EIF3J: variants seen among roughly 807,000 people sequenced by gnomAD.
The protein encoded by EIF3J is eukaryotic translation initiation factor 3, subunit 1 (alpha, 35kD).
EIF3J carries 15 observed loss-of-function variants against 39.0 expected under a neutral mutation model. The observed-to-expected ratio is 0.38, with a 90% CI of 0.26 to 0.59. EIF3J has a LOEUF of 0.59. Ranked by LOEUF, EIF3J falls within the 20% of genes least tolerant of loss-of-function variation. EIF3J has a pLI of 0.60. For missense variants in EIF3J, 226 were observed against 308.6 expected (o/e 0.73, Z 2.00); for synonymous variants, 98 against 112.9 (o/e 0.87, Z 0.84).
rs1246628081 is a variant in EIF3J, at chr15:44,561,220, C to T, written c.*71C>T. 2.0e-6 allele frequency: 3 copies of T among 1,515,206 alleles called. No individual in the cohort carries two copies. The highest frequency in any genetic ancestry group is 2.7e-6 in the Non-Finnish European group (3 of 1,124,806). The allele number at this position is 1,515,206 out of a possible 1,614,324, so 93.9% of individuals were successfully genotyped here. ...TTGAACATGTAGCACAACTTCCTTT[C>T]CTTTCAGTTCTGCCAAATGCTACAA... On this transcript the variant is annotated 3_prime_UTR_variant, in exon 8 of 8. Coordinates refer to ENST00000261868, the MANE Select transcript of EIF3J (RefSeq NM_003758.4).
chr15:44,560,426 AAC>A (rs2082182210), intron 7 of EIF3J, 104 bp downstream of exon 7: 1 of 1,069,010 alleles, frequency 9.4e-7, no homozygotes, highest in East Asian at 2.4e-5. Flanking sequence ...AAAGTCAAGC[AAC>A]TCACTAATAC....
chr15:44,547,331 C>T (rs978656424), intron 2 of EIF3J, among the ~76,000 whole-genome samples: 4 of 148,944 alleles, frequency 2.7e-5, no homozygotes, highest in Non-Finnish European at 4.4e-5. Context: ...TTAGTAGAGA[C>T]GGGGTTTCTC....
rs571132011 is a variant in EIF3J at position 44,542,383 on chromosome 15, T to G, written c.147+4956T>G. Among the ~76,000 whole-genome samples the G allele has an allele frequency of 7.7e-4, 117 of 152,192 alleles. 2 individuals are homozygous for G. In the South Asian group the frequency reaches 0.012, roughly 15 times the overall value. On this transcript the variant is annotated intron_variant, in intron 2 of 7. Coordinates refer to ENST00000261868, the MANE Select transcript of EIF3J (RefSeq NM_003758.4). ...TTATGTTTTACCTAAACCAAATTAT[T>G]TAAAGAAAAAAGGAGAAGGAGTATA...
chr15:44,537,417 A>C lies in EIF3J; in HGVS notation c.137A>C (p.Glu46Ala). The C allele has an allele frequency of 1.3e-6, 2 of 1,556,052 alleles. No individual in the cohort carries two copies. Among genetic ancestry groups the C allele is most frequent in the Non-Finnish European group, 1.7e-6 (2 of 1,150,076 alleles). The change falls in exon 2 of 8, where the codon GAG becomes GCG. Residue 46 changes from glutamate (E) to alanine (A), a missense_variant. By Grantham distance (107) the Glu-to-Ala change is moderately radical. Coordinates refer to ENST00000261868, the MANE Select transcript of EIF3J (RefSeq NM_003758.4). ...CGCTGGGAAGGCGAGGACGAGGACG[A>C]GGACGTCAAGGTGGGTGCGGGCTAG... ...GDRWEGEDEDEDVKDNWDDDD... is the reference protein window; with the variant it reads ...GDRWEGEDEDADVKDNWDDDD...
chr15:44,540,919 A>G (rs1008238746), intron 2 of EIF3J, among the ~76,000 whole-genome samples: 4 of 152,184 alleles, frequency 2.6e-5, no homozygotes, highest in African/African-American at 4.8e-5. Flanking sequence ...TGTTTTTGTT[A>G]TTATAATTTG....
chr15:44,548,167 A>G (rs2082069573), intron 2 of EIF3J, among the ~76,000 whole-genome samples: 1 of 152,210 alleles, frequency 6.6e-6, no homozygotes, highest in Non-Finnish European at 1.5e-5. Context: ...CACGCCTGCA[A>G]TCCCAGCACT....
chr15:44,554,640 G>T lies in EIF3J; in HGVS notation c.382G>T (p.Asp128Tyr). 1 of 1,612,088 alleles carries T rather than the reference G, an allele frequency of 6.2e-7. No homozygotes were observed. The change falls in exon 5 of 8, where the codon GAC (aspartate) becomes TAC (tyrosine). Residue 128 changes from aspartate to tyrosine, a missense_variant. Coordinates refer to ENST00000261868, the MANE Select transcript of EIF3J (RefSeq NM_003758.4). ...LRLKKLQEES[D>Y]LELAKETFGV... ...GCTAAAGAAATTACAGGAAGAGTCA[G>T]ACCTCGAATTAGCAAAGGAAACTTT...
At chr15:44,537,686 C>G (rs2081971511) in intron 2 of EIF3J, among the ~76,000 whole-genome samples, 1 of 152,242 alleles carries the variant, frequency 6.6e-6, no homozygotes, top group African/African-American at 2.4e-5. Context: ...CGAAAGGTGA[C>G]AGCATCGGCC....
chr15:44,558,930 G>A (rs146786840), intron 6 of EIF3J: 2 of 152,230 alleles, frequency 1.3e-5, no homozygotes, highest in African/African-American at 4.8e-5. Flanking sequence ...ACACTTTCTG[G>A]TAGCTAAAAA....
chr15:44,541,976 A>G (rs965827147), intron 2 of EIF3J, among the ~76,000 whole-genome samples: 2 of 152,214 alleles, frequency 1.3e-5, no homozygotes, highest in South Asian at 2.1e-4. Context: ...GTCATGATGG[A>G]TCATTGTAAA....
At position 44,561,326 on chromosome 15, in the gene EIF3J, C is replaced by T; in HGVS notation, c.*177C>T. The T allele has an allele frequency of 1.6e-6, 1 of 627,426 alleles. No individual in the cohort carries two copies. Among genetic ancestry groups the T allele is most frequent in the African/African-American group, 1.8e-5 (1 of 54,228 alleles). The allele number at this position is 627,426 out of a possible 1,614,324, so 38.9% of individuals were successfully genotyped here. On this transcript the variant is annotated 3_prime_UTR_variant, in exon 8 of 8. Coordinates refer to ENST00000261868, the MANE Select transcript of EIF3J (RefSeq NM_003758.4). ...AATGTGCAAATGAGGGAACTTGGATCTTGCTGCCAAGGGGTTAAAATTGGG... is the reference window on the plus strand; with the variant it reads ...AATGTGCAAATGAGGGAACTTGGATTTTGCTGCCAAGGGGTTAAAATTGGG...
chr15:44,561,899 T>G lies in EIF3J; in HGVS notation c.*750T>G, dbSNP rs1375500101. On this transcript the variant is annotated 3_prime_UTR_variant, in exon 8 of 8. Transcript: ENST00000261868. Reference sequence around the variant, plus strand: ...ATTTAAGTGTCTGAGAAACAAATCTTTGTTCTCTTAGGCTGCAATGGAACA... The same window carrying G: ...ATTTAAGTGTCTGAGAAACAAATCTGTGTTCTCTTAGGCTGCAATGGAACA... 1 of 152,656 alleles carries G rather than the reference T, an allele frequency of 6.6e-6. No homozygotes were observed. Among genetic ancestry groups the G allele is most frequent in the Non-Finnish European group, 1.5e-5 (1 of 68,040 alleles). 9.5% of individuals were successfully genotyped at this position (152,656 alleles called of 1,614,324 possible). A position where few individuals can be genotyped will look rare whatever the true frequency, so the allele number is the denominator to read the frequency against.
chr15:44,540,851 TTTAAAAA>T (rs2082009399), intron 2 of EIF3J, among the ~76,000 whole-genome samples: 1 of 152,232 alleles, frequency 6.6e-6, no homozygotes, highest in South Asian at 2.1e-4. Flanking sequence ...GTACTTAACC[TTTAAAAA>T]TACAGGTTTA....
intron 6 of EIF3J, 44 bp from the exon 7 acceptor site, chr15:44,560,205 T>C (rs749447636): frequency 1.9e-6 from 3 of 1,544,508 alleles, no homozygotes; most frequent in Non-Finnish European, 2.6e-6. Context: ...CTTTTCAAAA[T>C]GCTTAAAAAT....
At chr15:44,560,646 C>T (rs2082184038) in intron 7 of EIF3J, 1 of 343,840 alleles carries the variant, frequency 2.9e-6, no homozygotes, top group East Asian at 5.0e-5. Flanking sequence ...ACTCACTTTG[C>T]AGAGTATTTA....
At chr15:44,549,751 C>T (rs551182495) in intron 2 of EIF3J, among the ~76,000 whole-genome samples, 4 of 109,372 alleles carry the variant, frequency 3.7e-5, no homozygotes, top group East Asian at 2.6e-4. Context: ...GGCGACAGAA[C>T]GAGACTCCGT....
chr15:44,549,659 C>G (rs949137776), intron 2 of EIF3J, among the ~76,000 whole-genome samples: 1 of 139,054 alleles, frequency 7.2e-6, no homozygotes, highest in African/African-American at 2.7e-5. Context: ...CCCAGCTACT[C>G]GGGAGGCTGA....
chr15:44,548,299 C>T (rs1469362826), intron 2 of EIF3J, among the ~76,000 whole-genome samples: 1 of 152,118 alleles, frequency 6.6e-6, no homozygotes, highest in Admixed American at 6.5e-5. Flanking sequence ...CCTGTAATCC[C>T]AGCTACTCCA....
intron 2 of EIF3J, 93 bp downstream of exon 2, chr15:44,537,520 G>T (rs1030932895): frequency 6.8e-6 from 9 of 1,319,280 alleles, no homozygotes; most frequent in Non-Finnish European, 8.9e-6. Flanking sequence ...GGGCCTGCGG[G>T]CCGTGGGTCC....
Sources: gnomAD v4.1 joint callset for allele counts (sites outside exome capture counted in the v4.1 genomes callset) on GRCh38, gnomAD v4.1.1 for gene constraint, MANE v1.5 for transcripts, NCBI Gene and HGNC (gene_info 2026-07-23, HGNC 2026-07-21) for gene names.